Variants in TMPRSS15 observed in about 807,000 individuals in gnomAD.
The protein encoded by TMPRSS15 is enteropeptidase.
A neutral mutation model predicts 125.3 loss-of-function variants in TMPRSS15; 128 were observed. The ratio of observed to expected loss-of-function variants is 1.02; its 90% CI spans 0.89 to 1.18. The LOEUF (loss-of-function observed/expected upper bound fraction) is 1.18, where lower values mean the gene tolerates loss of function less well. Ranked by LOEUF, TMPRSS15 falls within the 50% of genes most tolerant of loss-of-function variation. The probability of loss-of-function intolerance (pLI) is 0.00; values close to 1 mark genes in which losing one functional copy is unlikely to be tolerated. For missense variants in TMPRSS15, 1,283 were observed against 1,212.7 expected (o/e 1.06, Z -0.86); for synonymous variants, 446 against 423.2 (o/e 1.05, Z -0.66).
At chr21:18,384,982 G>T (rs2075930009) in intron 3 of TMPRSS15, among the ~76,000 whole-genome samples, 1 of 152,050 alleles carries the variant, frequency 6.6e-6, no homozygotes, top group Non-Finnish European at 1.5e-5. Context: ...TCTCCACTAG[G>T]GGGAGTATAT....
At chr21:18,330,375 A>G (rs2075332761) in intron 14 of TMPRSS15, among the ~76,000 whole-genome samples, 1 of 152,154 alleles carries the variant, frequency 6.6e-6, no homozygotes, top group South Asian at 2.1e-4. Flanking sequence ...AAACCATTCA[A>G]AGACTCTCCA....
chr21:18,356,199 A>G (rs952150601), intron 8 of TMPRSS15, among the ~76,000 whole-genome samples: 3 of 151,842 alleles, frequency 2.0e-5, no homozygotes, highest in Non-Finnish European at 4.4e-5. Flanking sequence ...TTTGTGAAAG[A>G]AGAAAGAAGT....
At chr21:18,401,061 C>CCAAAGAATCGAAAA (rs2076090774) in intron 1 of TMPRSS15, among the ~76,000 whole-genome samples, 1 of 151,892 alleles carries the variant, frequency 6.6e-6, no homozygotes, top group African/African-American at 2.4e-5. Context: ...ATGGCTATTA[C>CCAAAGAATCGAAAA]CAAAGAATCG....
chr21:18,304,144 G>C (rs2075004750), intron 18 of TMPRSS15, among the ~76,000 whole-genome samples: 1 of 152,106 alleles, frequency 6.6e-6, no homozygotes, highest in African/African-American at 2.4e-5. Flanking sequence ...GTGGGGGTCT[G>C]GGGTGGTTCT....
Position 18,395,417 on chromosome 21 carries a change from A to C in TMPRSS15, c.344+2462T>G, listed in dbSNP as rs1015710326. On this transcript the variant is annotated intron_variant, in intron 3 of 24. Coordinates refer to ENST00000284885, the MANE Select transcript of TMPRSS15 (RefSeq NM_002772.3). The stretch of plus-strand genomic sequence containing the variant: ...ATTCACGACAGACTGATAATCTAAA[A>C]CTTCACAAACCCCTAGTGAGGAAAG... Among the ~76,000 whole-genome samples, 7 of 152,192 alleles carry C rather than the reference A, an allele frequency of 4.6e-5. No homozygotes were observed. The East Asian group carries it at 5.8e-4, about 13-fold the overall frequency.
intron 1 of TMPRSS15, among the ~76,000 whole-genome samples, chr21:18,454,930 A>G (rs1978411259): frequency 6.6e-6 from 1 of 152,194 alleles, no homozygotes; most frequent in Non-Finnish European, 1.5e-5. Context: ...AGTATGTGAT[A>G]TAGCTTGGCT....
chr21:18,309,358 A>C (rs2075070627), intron 18 of TMPRSS15, among the ~76,000 whole-genome samples: 1 of 152,228 alleles, frequency 6.6e-6, no homozygotes, highest in African/African-American at 2.4e-5. Context: ...CAAAGACTTC[A>C]TGACTAAAAC....
Position 18,380,167 on chromosome 21 carries a change from TCACACACACA to T in TMPRSS15, c.497-859_497-850del, listed in dbSNP as rs34787707. On this transcript the variant is annotated intron_variant, in intron 4 of 24. Coordinates refer to ENST00000284885, the MANE Select transcript of TMPRSS15 (RefSeq NM_002772.3). Reference sequence around the variant, plus strand: ...TGATTTGGAGCCGTTTATGGAGATGTCACACACACACACACACACACACACACACACACAC... The same window carrying T: ...TGATTTGGAGCCGTTTATGGAGATGTCACACACACACACACACACACACAC... Among the ~76,000 whole-genome samples, 417 of 139,510 alleles carry T rather than the reference TCACACACACA, an allele frequency of 3.0e-3. 9 individuals carry two copies. The highest frequency in any genetic ancestry group is 0.026 in the Admixed American group (352 of 13,724). 91.5% of individuals were successfully genotyped at this position (139,510 alleles called of 152,430 possible).
chr21:18,316,429 G>A (rs1483177231), intron 16 of TMPRSS15, among the ~76,000 whole-genome samples: 1 of 152,204 alleles, frequency 6.6e-6, no homozygotes, highest in African/African-American at 2.4e-5. Context: ...TTGTCTGTTG[G>A]TGAGATCAAA....
At chr21:18,299,127 G>C (rs1226726468) in intron 18 of TMPRSS15, among the ~76,000 whole-genome samples, 5 of 152,198 alleles carry the variant, frequency 3.3e-5, no homozygotes, top group African/African-American at 2.4e-5. Flanking sequence ...CCAAGGGAAA[G>C]ATGAGCCTTG....
intron 16 of TMPRSS15, among the ~76,000 whole-genome samples, chr21:18,315,828 G>C (rs1002472354): frequency 2.8e-5 from 4 of 145,020 alleles, no homozygotes; most frequent in South Asian, 2.1e-4. Flanking sequence ...GTGTACCCTA[G>C]AACTTAAAGT....
At chr21:18,469,238 T>C (rs1978730784) in intron 1 of TMPRSS15, among the ~76,000 whole-genome samples, 1 of 152,136 alleles carries the variant, frequency 6.6e-6, no homozygotes, top group South Asian at 2.1e-4. Flanking sequence ...AAGAAGGAGA[T>C]CACTTCCTTC....
chr21:18,446,944 C>T (rs530127308), intron 1 of TMPRSS15, among the ~76,000 whole-genome samples: 2 of 152,182 alleles, frequency 1.3e-5, no homozygotes, highest in African/African-American at 4.8e-5. Context: ...GAGATTACTT[C>T]AAACTACAAA....
At chr21:18,272,583 G>C (rs2074571165) in intron 24 of TMPRSS15, among the ~76,000 whole-genome samples, 1 of 151,980 alleles carries the variant, frequency 6.6e-6, no homozygotes, top group Admixed American at 6.6e-5. Flanking sequence ...AAATTAGCCA[G>C]GTGTGGTGAT....
At chr21:18,327,725 CA>C (rs2075306159) in intron 15 of TMPRSS15, among the ~76,000 whole-genome samples, 1 of 105,664 alleles carries the variant, frequency 9.5e-6, no homozygotes, top group Admixed American at 8.9e-5. Context: ...TTAGATAAAA[CA>C]CTTTTTTTGT....
At position 18,398,293 on chromosome 21, in the gene TMPRSS15, G is replaced by T; in HGVS notation, c.182C>A (p.Thr61Lys). 1 of 1,613,790 alleles carries T rather than the reference G, an allele frequency of 6.2e-7. No individual in the cohort carries two copies. Among genetic ancestry groups the T allele is most frequent in the Non-Finnish European group, 8.5e-7 (1 of 1,179,776 alleles). Residue 61 changes from threonine to lysine, a missense_variant, in exon 2 of 25, where the codon ACA becomes AAA. Transcript: ENST00000284885. ...TGTAACTCCGGATGTTATTTTAAAT[G>T]TCGCTCTGGCTTCATGACTCTGTCC... The part of the protein sequence containing the change: ...ALGQSHEARA[T>K]FKITSGVTYN...
At chr21:18,343,131 G>A (rs971923483) in intron 12 of TMPRSS15, among the ~76,000 whole-genome samples, 9 of 152,130 alleles carry the variant, frequency 5.9e-5, no homozygotes, top group Non-Finnish European at 1.0e-4. Context: ...CATAGAAAAG[G>A]GCAGGGTTGA....
At chr21:18,304,954 T>C (rs1217339243) in intron 18 of TMPRSS15, among the ~76,000 whole-genome samples, 1 of 152,072 alleles carries the variant, frequency 6.6e-6, no homozygotes, top group Non-Finnish European at 1.5e-5. Flanking sequence ...TAAGCCGAAG[T>C]AGGAGCGACA....
In TMPRSS15 at chr21:18,350,761, T is replaced by G. The variant is rs138897622; in HGVS notation, c.1171+2142A>C. Among the ~76,000 whole-genome samples the G allele has an allele frequency of 8.2e-4, 124 of 151,526 alleles. 1 individual carries two copies. The East Asian group carries it at 0.017, about 21-fold the overall frequency. On this transcript the variant is annotated intron_variant, in intron 10 of 24. Coordinates refer to ENST00000284885, the MANE Select transcript of TMPRSS15 (RefSeq NM_002772.3). ...AGGAACAATTAATTATATATATACA[T>G]ATATATATAATTTCCTATTCTCTGT...
Sources: allele counts gnomAD v4.1 joint callset (sites outside exome capture counted in the v4.1 genomes callset), GRCh38; gene constraint gnomAD v4.1.1; transcripts MANE v1.5; gene names NCBI Gene and HGNC (gene_info 2026-07-23, HGNC 2026-07-21).